Variants in FRMPD4 observed in about 807,000 individuals in gnomAD.
The protein encoded by FRMPD4 is FERM and PDZ domain-containing protein 4.
In FRMPD4, 22 loss-of-function variants were observed where a neutral mutation model predicts 94.1. That is an observed-to-expected ratio of 0.23 (90% CI 0.17 to 0.33). The LOEUF (loss-of-function observed/expected upper bound fraction) is 0.33. Among genes scored for constraint, FRMPD4 ranks in the 10% least tolerant of loss-of-function variants. The probability of loss-of-function intolerance (pLI) is 1.00; values close to 1 mark genes in which losing one functional copy is unlikely to be tolerated. For missense variants in FRMPD4, 1,111 were observed against 1,339.9 expected (o/e 0.83, Z 2.67); for synonymous variants, 631 against 548.6 (o/e 1.15, Z -2.10).
At chrX:12,672,154 G>T (rs922345847) in intron 4 of FRMPD4, among the ~76,000 whole-genome samples, 1 of 112,040 alleles carries the variant, frequency 8.9e-6, no homozygotes, top group Non-Finnish European at 1.9e-5. Flanking sequence ...GTTCTCACTT[G>T]ATTGGCACCA....
chrX:12,414,326 C>T (rs1333547720), intron 1 of FRMPD4, among the ~76,000 whole-genome samples: 1 of 112,137 alleles, frequency 8.9e-6, no homozygotes. Context: ...TTCAAAAGGT[C>T]TATCATTGAT....
rs772425035 is a variant in FRMPD4 at position 12,707,742 on chromosome X, T to C, written c.1470+91T>C. ...TGTTTACAAGGCAGGCAAAAGTCAA[T>C]GTGTGCAGAGCATCACAGATGCAAT... On this transcript the variant is annotated intron_variant, in intron 13 of 16. Coordinates refer to ENST00000675598, the MANE Select transcript of FRMPD4 (RefSeq NM_001368397.1). 6.8e-5 allele frequency: 49 copies of C among 717,119 alleles called. No homozygotes were observed. In the East Asian group the frequency reaches 1.0e-3, roughly 15 times the overall value. The allele number at this position is 717,119 out of a possible 1,213,427, so 59.1% of individuals were successfully genotyped here.
At chrX:12,025,549 G>T (rs1569144709) in intron 3 of FRMPD4, among the ~76,000 whole-genome samples, 2 of 111,622 alleles carry the variant, frequency 1.8e-5, no homozygotes, top group African/African-American at 6.5e-5. Flanking sequence ...TCACTGAATT[G>T]CTTCTAATGA....
intron 3 of FRMPD4, among the ~76,000 whole-genome samples, chrX:11,927,948 A>G (rs934841344): frequency 8.9e-6 from 1 of 112,365 alleles, no homozygotes; most frequent in African/African-American, 3.2e-5. Context: ...AAAAGAAACT[A>G]TCAAAAGAGT....
chrX:12,091,874 GC>G (rs2055156390), intron 3 of FRMPD4, among the ~76,000 whole-genome samples: 1 of 111,037 alleles, frequency 9.0e-6, no homozygotes, highest in Middle Eastern at 4.2e-3. Context: ...CCTGTAGAGT[GC>G]CCCCTCTTCT....
intron 1 of FRMPD4, among the ~76,000 whole-genome samples, chrX:11,846,901 A>C (rs2053580437): frequency 9.1e-6 from 1 of 109,642 alleles, no homozygotes; most frequent in African/African-American, 3.3e-5. Context: ...TAAAGACTTA[A>C]ACGTTAGACC....
chrX:11,886,370 C>T (rs957804598), intron 3 of FRMPD4, among the ~76,000 whole-genome samples: 1 of 111,205 alleles, frequency 9.0e-6, no homozygotes, highest in Non-Finnish European at 1.9e-5. Flanking sequence ...TTTAGACAAA[C>T]CATTTTTTTT....
chrX:12,531,600 C>T (rs1265653724), intron 2 of FRMPD4, among the ~76,000 whole-genome samples: 1 of 111,737 alleles, frequency 8.9e-6, no homozygotes, highest in Non-Finnish European at 1.9e-5. Flanking sequence ...GATCCATGAA[C>T]CACATTTTGG....
At chrX:12,107,564 GTTGAGAGAAGAAGGCTTCAGATGA>G (rs1200170910) in intron 3 of FRMPD4, among the ~76,000 whole-genome samples, 3 of 112,250 alleles carry the variant, frequency 2.7e-5, no homozygotes, top group Non-Finnish European at 5.6e-5. Context: ...ACTTTGATGA[GTTGAGAGAAGAAGGCTTCAGATGA>G]TTGAGAGAAG....
At chrX:12,070,914 G>T (rs753326361) in intron 3 of FRMPD4, among the ~76,000 whole-genome samples, 1 of 112,282 alleles carries the variant, frequency 8.9e-6, no homozygotes, top group Non-Finnish European at 1.9e-5. Context: ...ACAGCGATTT[G>T]GTGGCTGGTT....
chrX:12,348,390 A>G (rs1280479122), intron 1 of FRMPD4, among the ~76,000 whole-genome samples: 1 of 111,446 alleles, frequency 9.0e-6, no homozygotes, highest in Non-Finnish European at 1.9e-5. Context: ...GAAGCAGAGG[A>G]TGAGGCTGCT....
intron 3 of FRMPD4, among the ~76,000 whole-genome samples, chrX:11,966,038 A>G (rs2054307820): frequency 8.9e-6 from 1 of 112,278 alleles, no homozygotes; most frequent in Non-Finnish European, 1.9e-5. Context: ...CTAAGACATA[A>G]AAGTCACCTA....
chrX:11,919,808 A>G (rs1446225871), intron 3 of FRMPD4, among the ~76,000 whole-genome samples: 1 of 112,287 alleles, frequency 8.9e-6, no homozygotes, highest in African/African-American at 3.2e-5. Flanking sequence ...GCCCCTCTTC[A>G]GAGATTGTCA....
At chrX:12,301,920 C>T (rs139688193) in intron 1 of FRMPD4, among the ~76,000 whole-genome samples, 1,543 of 111,741 alleles carry the variant, frequency 0.014, 18 homozygotes, top group African/African-American at 0.048. Context: ...GAAGCCTGTC[C>T]GGTACTCACT....
rs186777512 is a variant in FRMPD4 at position 12,672,723 on chromosome X, A to G, written c.423-2140A>G. ...TCATCTTAGCACCCTGTAACATATG[A>G]ACACATATGGCTTCCATCTTTTTTT... On this transcript the variant is annotated intron_variant, in intron 4 of 16. Coordinates refer to ENST00000675598, the MANE Select transcript of FRMPD4 (RefSeq NM_001368397.1). 3.6e-5 allele frequency among the ~76,000 whole-genome samples: 4 copies of G among 111,826 alleles called. No individual in the cohort carries two copies. The East Asian group carries it at 1.1e-3, about 32-fold the overall frequency.
At chrX:12,132,869 T>C (rs1410248296) in intron 3 of FRMPD4, among the ~76,000 whole-genome samples, 2 of 110,097 alleles carry the variant, frequency 1.8e-5, no homozygotes, top group Admixed American at 9.8e-5. Context: ...CAGTAGGAGA[T>C]AGCAAATGGA....
chrX:12,505,070 C>T (rs1358798548), intron 2 of FRMPD4, among the ~76,000 whole-genome samples: 1 of 111,721 alleles, frequency 9.0e-6, no homozygotes, highest in Admixed American at 9.5e-5. Flanking sequence ...TAGGGATGTA[C>T]AGGAGGTGGG....
chrX:12,598,049 G>A (rs1259569369), intron 2 of FRMPD4, among the ~76,000 whole-genome samples: 5 of 103,140 alleles, frequency 4.8e-5, no homozygotes, highest in Non-Finnish European at 7.7e-5. Flanking sequence ...TGAGAATGTT[G>A]GTGTATATAT....
chrX:12,388,828 T>G (rs1278038646), intron 1 of FRMPD4, among the ~76,000 whole-genome samples: 2 of 78,035 alleles, frequency 2.6e-5, no homozygotes, highest in Non-Finnish European at 4.9e-5. Flanking sequence ...GATATATATA[T>G]ATATATATAT....
Sources: gnomAD v4.1 joint callset for allele counts (sites outside exome capture counted in the v4.1 genomes callset) on GRCh38, gnomAD v4.1.1 for gene constraint, MANE v1.5 for transcripts, NCBI Gene and HGNC (gene_info 2026-07-23, HGNC 2026-07-21) for gene names.